The following KIR2DL3 variants were observed in gnomAD, a reference collection of about 807,000 sequenced individuals.
KIR2DL3 encodes killer cell immunoglobulin-like receptor 2DL3.
Under a neutral mutation model 33.8 loss-of-function variants are expected in KIR2DL3, and 39 were observed. That is an observed-to-expected ratio of 1.15 (90% CI 0.89 to 1.51). The LOEUF (loss-of-function observed/expected upper bound fraction) is 1.51, where lower values mean the gene tolerates loss of function less well. Among genes scored for constraint, KIR2DL3 ranks in the 40% most tolerant of loss-of-function variants. KIR2DL3 has a pLI of 0.00. For synonymous variants in KIR2DL3, 174 were observed against 160.2 expected (o/e 1.09, Z -0.65); for missense variants, 462 against 426.2 (o/e 1.08, Z -0.74).
chr19:54,747,489 T>A (rs1217251005), intron 5 of KIR2DL3, 104 bp downstream of exon 5: 1 of 1,419,176 alleles, frequency 7.0e-7, no homozygotes, highest in Non-Finnish European at 1.0e-6. Context: ...ATTGTACGCC[T>A]GTCTTCTACC....
chr19:54,740,068 G>T (rs1297977839), intron 2 of KIR2DL3, among the ~76,000 whole-genome samples: 1 of 152,186 alleles, frequency 6.6e-6, no homozygotes, highest in Admixed American at 6.5e-5. Flanking sequence ...TCTTTACTCA[G>T]CACTTGCTCA....
chr19:54,750,629 G>C (rs887860271), intron 5 of KIR2DL3, among the ~76,000 whole-genome samples: 3 of 137,424 alleles, frequency 2.2e-5, no homozygotes, highest in African/African-American at 8.2e-5. Flanking sequence ...AGTCTTCCCA[G>C]AGAAGACTCT....
chr19:54,744,934 ATATATATATATATATATATATTTTTTTTT>A (rs2072127402), intron 4 of KIR2DL3, among the ~76,000 whole-genome samples: 73 of 24,640 alleles, frequency 3.0e-3, no homozygotes, highest in Middle Eastern at 0.02. Flanking sequence ...ATATATATAT[ATATATATATATATATATATATTTTTTTTT>A]TTTTTTTTTT....
chr19:54,752,178 G>A lies in KIR2DL3; in HGVS notation c.821-38G>A. 1.4e-6 allele frequency: 2 copies of A among 1,456,210 alleles called. 1 individual carries two copies. The highest frequency in any genetic ancestry group is 2.7e-5 in the South Asian group (2 of 74,914). 90.2% of individuals were successfully genotyped at this position (1,456,210 alleles called of 1,614,324 possible). A position where few individuals can be genotyped will look rare whatever the true frequency, so the allele number is the denominator to read the frequency against. On this transcript the variant is annotated intron_variant, in intron 6 of 7. Transcript: ENST00000342376. ...GCTTATGAAATGAGGGCCCAGAAGT[G>A]CCCTCTGAGCTGTTTTGTTGACTTC... is the stretch of plus-strand genomic sequence containing the variant.
At position 54,752,257 on chromosome 19, in the gene KIR2DL3, G is replaced by A. The variant is rs761178973; in HGVS notation, c.862G>A (p.Val288Met). ...MDQEPAGNRTVNREDSDEQDP... is the reference protein window; with the variant it reads ...MDQEPAGNRTMNREDSDEQDP... The stretch of plus-strand genomic sequence containing the variant: ...CCAAGAGCCTGCAGGGAACAGAACA[G>A]TGAACAGGGAGGTAGGTGCTCCTCG... The change falls in exon 7 of 8, where the codon GTG (valine) becomes ATG (methionine). Residue 288 changes from valine to methionine, a missense_variant. Physicochemically the swap from Val to Met is conservative, Grantham distance 21. Coordinates refer to ENST00000342376, the MANE Select transcript of KIR2DL3 (RefSeq NM_015868.3). 178 of 1,482,316 alleles carry A rather than the reference G, an allele frequency of 1.2e-4. 39 individuals are homozygous for A. Among genetic ancestry groups the A allele is most frequent in the Non-Finnish European group, 1.5e-4 (164 of 1,085,836 alleles). The allele number at this position is 1,482,316 out of a possible 1,614,324, so 91.8% of individuals were successfully genotyped here. A position where few individuals can be genotyped will look rare whatever the true frequency, so the allele number is the denominator to read the frequency against.
rs796892751 is a variant in KIR2DL3, at chr19:54,751,020, C to T, written c.716-629C>T. Among the ~76,000 whole-genome samples, 243 of 111,156 alleles carry T rather than the reference C, an allele frequency of 2.2e-3. 1 individual carries two copies. The highest frequency in any genetic ancestry group is 5.4e-3 in the South Asian group (15 of 2,762). 72.9% of individuals were successfully genotyped at this position (111,156 alleles called of 152,430 possible). A position where few individuals can be genotyped will look rare whatever the true frequency, so the allele number is the denominator to read the frequency against. On this transcript the variant is annotated intron_variant, in intron 5 of 7. Coordinates refer to ENST00000342376, the MANE Select transcript of KIR2DL3 (RefSeq NM_015868.3). ...ATCTCAGGACGTTGCTGTCTTAGTCCATTTTTGTTGCTCTAAAGGAACACT... is the reference window on the plus strand; with the variant it reads ...ATCTCAGGACGTTGCTGTCTTAGTCTATTTTTGTTGCTCTAAAGGAACACT...
Position 54,742,235 on chromosome 19 carries a change from A to G in KIR2DL3, c.326A>G (p.Tyr109Cys), listed in dbSNP as rs2071302310. The G allele has an allele frequency of 6.2e-7, 1 of 1,613,886 alleles. No homozygotes were observed. The highest frequency in any genetic ancestry group is 8.5e-7 in the Non-Finnish European group (1 of 1,179,990). Residue 109 changes from tyrosine (Y) to cysteine (C), a missense_variant, in exon 3 of 8, where the codon TAT becomes TGT. Transcript: ENST00000342376. ...TACGGTTCTGTTACTCACTCCCCCTATCAGTTGTCAGCTCCCAGTGACCCT... is the reference window on the plus strand; with the variant it reads ...TACGGTTCTGTTACTCACTCCCCCTGTCAGTTGTCAGCTCCCAGTGACCCT... Reference protein sequence around the residue: ...RCYGSVTHSPYQLSAPSDPLD... With the variant: ...RCYGSVTHSPCQLSAPSDPLD...
Position 54,744,929 on chromosome 19 carries a change from T to C in KIR2DL3, c.664+841T>C, listed in dbSNP as rs1190199751. ...ACACACACATATATAAACATATATATATATATATATATATATATATATATA... is the reference window on the plus strand; with the variant it reads ...ACACACACATATATAAACATATATACATATATATATATATATATATATATA... On this transcript the variant is annotated intron_variant, in intron 4 of 7. Coordinates refer to ENST00000342376, the MANE Select transcript of KIR2DL3 (RefSeq NM_015868.3). Among the ~76,000 whole-genome samples, 19 of 17,826 alleles carry C rather than the reference T, an allele frequency of 1.1e-3. 1 individual carries two copies. Among genetic ancestry groups the C allele is most frequent in the African/African-American group, 3.3e-3 (18 of 5,422 alleles). The allele number at this position is 17,826 out of a possible 152,430, so 11.7% of individuals were successfully genotyped here.
intron 4 of KIR2DL3, 38 bp downstream of exon 4, chr19:54,744,126 C>T: frequency 3.1e-6 from 5 of 1,612,098 alleles, no homozygotes; most frequent in Non-Finnish European, 4.2e-6. Context: ...TCCTATGATC[C>T]TAGAGCCTTA....
In KIR2DL3 at chr19:54,742,175, C is replaced by T; in HGVS notation, c.266C>T (p.Pro89Leu). 1 of 1,613,784 alleles carries T rather than the reference C, an allele frequency of 6.2e-7. No homozygotes were observed. The highest frequency in any genetic ancestry group is 2.2e-5 in the East Asian group (1 of 44,872). The part of the protein sequence containing the change: ...GVSKANFSIG[P>L]MMQDLAGTYR... ...TCCAAGGCCAACTTCTCCATCGGTC[C>T]CATGATGCAAGACCTTGCAGGGACC... The change falls in exon 3 of 8, where the codon CCC (proline) becomes CTC (leucine). Residue 89 changes from proline (P) to leucine (L), a missense_variant. Coordinates refer to ENST00000342376, the MANE Select transcript of KIR2DL3 (RefSeq NM_015868.3).
At chr19:54,744,955 T>TATATATATATA (rs1491544172) in intron 4 of KIR2DL3, among the ~76,000 whole-genome samples, 14 of 18,642 alleles carry the variant, frequency 7.5e-4, no homozygotes, top group Admixed American at 3.8e-3. Context: ...TATATATATA[T>TATATATATATA]TTTTTTTTTT....
chr19:54,748,687 T>C (rs1199077567), intron 5 of KIR2DL3, among the ~76,000 whole-genome samples: 1 of 144,814 alleles, frequency 6.9e-6, no homozygotes, highest in Non-Finnish European at 1.5e-5. Context: ...AGTGTCACGA[T>C]CTTGGCTCAC....
Position 54,744,084 on chromosome 19 carries a change from C to A in KIR2DL3, c.660C>A (p.Val220=). 1 of 1,614,186 alleles carries A rather than the reference C, an allele frequency of 6.2e-7. No homozygotes were observed. The highest frequency in any genetic ancestry group is 2.2e-5 in the East Asian group (1 of 44,876). The change falls in exon 4 of 8, where the codon GTC becomes GTA. Residue 220 remains valine, a synonymous_variant. Coordinates refer to ENST00000342376, the MANE Select transcript of KIR2DL3 (RefSeq NM_015868.3). ...SNSSDPLLVS[V]TGNPSNSWPS... ...CGAGTGACCCACTGCTTGTTTCTGT[C>A]ACAGGTGAGGAAACCCCATATCTGT...
intron 4 of KIR2DL3, among the ~76,000 whole-genome samples, 170 bp downstream of exon 4, chr19:54,744,258 T>C (rs2071818620): frequency 6.6e-6 from 1 of 152,138 alleles, no homozygotes; most frequent in African/African-American, 2.4e-5. Context: ...CAAACCCTCC[T>C]ACACGGCCTG....
rs2071213568 is a variant in KIR2DL3 at position 54,741,970 on chromosome 19, C to G, written c.71-10C>G. On this transcript the variant is annotated splice_polypyrimidine_tract_variant and intron_variant, in intron 2 of 7. Coordinates refer to ENST00000342376, the MANE Select transcript of KIR2DL3 (RefSeq NM_015868.3). ...GAGACACCTTCTAAACTCACAACCT[C>G]TCTTCCTAGGAGTCCACAGAAAACC... 1 of 1,600,012 alleles carries G rather than the reference C, an allele frequency of 6.2e-7. No individual in the cohort carries two copies. Among genetic ancestry groups the G allele is most frequent in the South Asian group, 1.1e-5 (1 of 90,546 alleles).
chr19:54,741,853 A>T (rs1222203631), intron 2 of KIR2DL3, 127 bp from the exon 3 acceptor site: 11 of 1,269,106 alleles, frequency 8.7e-6, no homozygotes, highest in Non-Finnish European at 1.1e-5. Context: ...GGCACAGAAA[A>T]GAACATGAAG....
In KIR2DL3 at chr19:54,744,122, G is replaced by C. The variant is rs1295006827; in HGVS notation, c.664+34G>C. 4 of 1,613,172 alleles carry C rather than the reference G, an allele frequency of 2.5e-6. No homozygotes were observed. The African/African-American group carries it at 5.3e-5, about 22-fold the overall frequency. ...ACCCCATATCTGTCTCATGTCCTAT[G>C]ATCCTAGAGCCTTAGCTGAGGAGCT... On this transcript the variant is annotated intron_variant, in intron 4 of 7. Transcript: ENST00000342376.
intron 2 of KIR2DL3, among the ~76,000 whole-genome samples, chr19:54,740,940 C>G (rs1178865978): frequency 1.2e-4 from 18 of 151,130 alleles, no homozygotes; most frequent in Non-Finnish European, 2.4e-4. Context: ...AGGCCAAGAT[C>G]CATGAATGCA....
At chr19:54,744,625 C>A (rs2071930090) in intron 4 of KIR2DL3, among the ~76,000 whole-genome samples, 1 of 150,684 alleles carries the variant, frequency 6.6e-6, no homozygotes, top group South Asian at 2.1e-4. Flanking sequence ...CTCCTGGGTT[C>A]AAGTGATTCT....
Sources: gnomAD v4.1 joint callset for allele counts (sites outside exome capture counted in the v4.1 genomes callset) on GRCh38, gnomAD v4.1.1 for gene constraint, MANE v1.5 for transcripts, NCBI Gene and HGNC (gene_info 2026-07-23, HGNC 2026-07-21) for gene names.